Variants in TAF3 observed in about 807,000 individuals in gnomAD.
The protein encoded by TAF3 is transcription initiation factor TFIID subunit 3.
In TAF3, 7 loss-of-function variants were observed where a neutral mutation model predicts 80.6. The observed-to-expected ratio is 0.09, with a 90% CI of 0.05 to 0.16. The LOEUF is 0.16. Among genes scored for constraint, TAF3 ranks in the 10% least tolerant of loss-of-function variants. TAF3 has a pLI of 1.00. For missense variants in TAF3, 921 were observed against 1,140.2 expected (o/e 0.81, Z 2.77); for synonymous variants, 444 against 446.1 (o/e 1.00, Z 0.06).
intron 2 of TAF3, among the ~76,000 whole-genome samples, chr10:7,937,113 T>G (rs1397264078): frequency 1.3e-5 from 2 of 152,228 alleles, no homozygotes; most frequent in African/African-American, 4.8e-5. Context: ...TGTTTCCAAG[T>G]TTTGGCAGTT....
At chr10:7,940,675 C>G (rs1837967514) in intron 2 of TAF3, among the ~76,000 whole-genome samples, 1 of 152,170 alleles carries the variant, frequency 6.6e-6, no homozygotes, top group Admixed American at 6.5e-5. Context: ...AACATAGTGG[C>G]CAGGCATGGT....
chr10:7,858,141 A>G (rs1452550425), intron 2 of TAF3, among the ~76,000 whole-genome samples: 1 of 152,164 alleles, frequency 6.6e-6, no homozygotes, highest in Non-Finnish European at 1.5e-5. Flanking sequence ...TAAAAGAACT[A>G]TGGGATGTAG....
chr10:7,963,843 A>G (rs545054773), intron 2 of TAF3, 77 bp from the exon 3 acceptor site: 9 of 1,303,870 alleles, frequency 6.9e-6, no homozygotes, highest in Non-Finnish European at 9.2e-6. Context: ...TCATATTTGA[A>G]GCATTGTTTT....
At chr10:7,935,708 C>T (rs948615212) in intron 2 of TAF3, among the ~76,000 whole-genome samples, 7 of 152,050 alleles carry the variant, frequency 4.6e-5, no homozygotes, top group Admixed American at 1.3e-4. Flanking sequence ...TAGGGACTTA[C>T]GGGAATCAGG....
At chr10:7,827,029 G>A (rs960386155) in intron 2 of TAF3, among the ~76,000 whole-genome samples, 2 of 152,122 alleles carry the variant, frequency 1.3e-5, no homozygotes, top group Admixed American at 1.3e-4. Flanking sequence ...TTATTAGCAA[G>A]GTCCTTCCAT....
intron 3 of TAF3, among the ~76,000 whole-genome samples, chr10:7,974,167 C>A (rs375231262): frequency 7.0e-6 from 1 of 142,328 alleles, no homozygotes. Flanking sequence ...CACACACACA[C>A]ACACAAACAC....
At chr10:7,940,888 GT>G (rs1337670410) in intron 2 of TAF3, among the ~76,000 whole-genome samples, 1 of 151,838 alleles carries the variant, frequency 6.6e-6, no homozygotes, top group Non-Finnish European at 1.5e-5. Flanking sequence ...GGACCCAGGA[GT>G]TTGAGGCTGC....
At chr10:7,922,433 CAT>C (rs1462951257) in intron 2 of TAF3, among the ~76,000 whole-genome samples, 5 of 152,142 alleles carry the variant, frequency 3.3e-5, no homozygotes, top group African/African-American at 1.2e-4. Context: ...TTCTGTAAAA[CAT>C]AGATGATTAT....
chr10:7,855,008 G>A (rs910214095), intron 2 of TAF3, among the ~76,000 whole-genome samples: 9 of 152,176 alleles, frequency 5.9e-5, no homozygotes, highest in African/African-American at 2.2e-4. Flanking sequence ...GGGGTTTTAA[G>A]GTGTTGTTGT....
intron 2 of TAF3, among the ~76,000 whole-genome samples, chr10:7,907,532 T>C (rs939746892): frequency 6.6e-6 from 1 of 152,118 alleles, no homozygotes; most frequent in African/African-American, 2.4e-5. Context: ...AATAAAGGGA[T>C]AACAAAGAAT....
intron 3 of TAF3, among the ~76,000 whole-genome samples, chr10:7,974,025 G>A (rs1831646126): frequency 6.6e-6 from 1 of 152,072 alleles, no homozygotes; most frequent in African/African-American, 2.4e-5. Context: ...CTACTCGGGA[G>A]GCTGAGGCAG....
At chr10:7,905,131 A>C (rs959039046) in intron 2 of TAF3, among the ~76,000 whole-genome samples, 1 of 152,160 alleles carries the variant, frequency 6.6e-6, no homozygotes, top group Non-Finnish European at 1.5e-5. Context: ...TTAATATGCA[A>C]ATAGAGTGTC....
chr10:7,841,364 C>G (rs1213330313), intron 2 of TAF3, among the ~76,000 whole-genome samples: 1 of 152,128 alleles, frequency 6.6e-6, no homozygotes, highest in African/African-American at 2.4e-5. Flanking sequence ...TCCCTGCTTT[C>G]CTAGAGCTTA....
chr10:7,918,724 C>T (rs752862096), intron 2 of TAF3, among the ~76,000 whole-genome samples: 5 of 152,134 alleles, frequency 3.3e-5, no homozygotes, highest in East Asian at 1.9e-4. Flanking sequence ...TTCCGTAGAC[C>T]GTATCTCTGC....
intron 2 of TAF3, among the ~76,000 whole-genome samples, chr10:7,838,905 C>CTTTTTTTTTT (rs1836880314): frequency 1.7e-5 from 1 of 58,700 alleles, no homozygotes; most frequent in Non-Finnish European, 3.6e-5. Flanking sequence ...GGAGGCATTG[C>CTTTTTTTTTT]TTGTTTTTTT....
chr10:7,900,005 C>T (rs999047985), intron 2 of TAF3, among the ~76,000 whole-genome samples: 3 of 152,180 alleles, frequency 2.0e-5, no homozygotes, highest in African/African-American at 7.2e-5. Flanking sequence ...TAGGCGGCGT[C>T]CACTCATATC....
chr10:7,920,227 C>G (rs1364400611), intron 2 of TAF3, among the ~76,000 whole-genome samples: 1 of 151,672 alleles, frequency 6.6e-6, no homozygotes, highest in Non-Finnish European at 1.5e-5. Flanking sequence ...GCACTCCGGC[C>G]TGCGCGACAA....
intron 2 of TAF3, among the ~76,000 whole-genome samples, chr10:7,939,554 C>A (rs1365390580): frequency 3.4e-5 from 5 of 147,496 alleles, no homozygotes; most frequent in Non-Finnish European, 7.4e-5. Context: ...GAAATAGAGA[C>A]AATGTAGGAA....
rs190626409 is a variant in TAF3, at chr10:7,951,572, C to T, written c.410-12348C>T. ...GCTTCTGTCACATTTGCCCATTGGC[C>T]AAAGCAAGTCACACAGCCACCCAAA... On this transcript the variant is annotated intron_variant, in intron 2 of 6. Transcript: ENST00000344293. 2.0e-5 allele frequency among the ~76,000 whole-genome samples: 3 copies of T among 152,274 alleles called. No individual in the cohort carries two copies. The East Asian group carries it at 5.8e-4, about 29-fold the overall frequency.
Sources: allele counts gnomAD v4.1 joint callset (sites outside exome capture counted in the v4.1 genomes callset), GRCh38; gene constraint gnomAD v4.1.1; transcripts MANE v1.5; gene names NCBI Gene and HGNC (gene_info 2026-07-23, HGNC 2026-07-21).